Variants in CADM1 observed in about 807,000 individuals in gnomAD.
The protein encoded by CADM1 is TSLC-1.
Under a neutral mutation model 53.1 loss-of-function variants are expected in CADM1, and 15 were observed. The observed-to-expected ratio is 0.28, with a 90% CI of 0.19 to 0.44. The LOEUF (loss-of-function observed/expected upper bound fraction) is 0.44. Ranked by LOEUF, CADM1 falls within the 20% of genes least tolerant of loss-of-function variation. The pLI, the probability that CADM1 is intolerant of heterozygous loss-of-function variation, is 1.00. For missense variants in CADM1, 434 were observed against 611.3 expected (o/e 0.71, Z 3.06); for synonymous variants, 281 against 243.0 (o/e 1.16, Z -1.45).
At chr11:115,340,444 T>C (rs1005275194) in intron 1 of CADM1, among the ~76,000 whole-genome samples, 3 of 148,816 alleles carry the variant, frequency 2.0e-5, no homozygotes, top group Admixed American at 1.3e-4. Context: ...GAATTGGCAA[T>C]GCTAAGAGTT....
At chr11:115,215,977 G>T (rs1941165809) in intron 6 of CADM1, among the ~76,000 whole-genome samples, 1 of 152,158 alleles carries the variant, frequency 6.6e-6, no homozygotes, top group African/African-American at 2.4e-5. Context: ...AATTACACAT[G>T]GGTTTGTCAT....
intron 1 of CADM1, among the ~76,000 whole-genome samples, chr11:115,365,693 T>G (rs1196562873): frequency 2.0e-5 from 3 of 152,158 alleles, no homozygotes; most frequent in African/African-American, 7.2e-5. Context: ...CAGTAACTTT[T>G]TAATTACCTC....
intron 1 of CADM1, among the ~76,000 whole-genome samples, chr11:115,414,179 C>T (rs1231496399): frequency 6.6e-6 from 1 of 152,010 alleles, no homozygotes; most frequent in Non-Finnish European, 1.5e-5. Flanking sequence ...TTATATTTAG[C>T]CCAATGGACT....
intron 1 of CADM1, among the ~76,000 whole-genome samples, chr11:115,312,627 C>T (rs764260903): frequency 2.0e-5 from 3 of 152,136 alleles, no homozygotes; most frequent in Non-Finnish European, 4.4e-5. Flanking sequence ...TTAGAACACA[C>T]TTGATTGATT....
At position 115,294,435 on chromosome 11, in the gene CADM1, C is replaced by T. The variant is rs1375519714; in HGVS notation, c.125-54015G>A. 7.2e-5 allele frequency among the ~76,000 whole-genome samples: 11 copies of T among 152,150 alleles called. 1 individual carries two copies. The South Asian group carries it at 1.2e-3, about 17-fold the overall frequency. ...TTCTTAAACATTACACTCAATAGCC[C>T]GTTCTCATCTACCGCCATCTCTTCT... On this transcript the variant is annotated intron_variant, in intron 1 of 11. Coordinates refer to ENST00000331581, the MANE Select transcript of CADM1 (RefSeq NM_001301043.2).
At chr11:115,230,270 C>G (rs1469891809) in intron 4 of CADM1, among the ~76,000 whole-genome samples, 1 of 152,140 alleles carries the variant, frequency 6.6e-6, no homozygotes, top group African/African-American at 2.4e-5. Context: ...TCTTTCATTT[C>G]TCACGCTCTT....
intron 7 of CADM1, among the ~76,000 whole-genome samples, chr11:115,213,616 C>G (rs1010150286): frequency 6.6e-6 from 1 of 152,154 alleles, no homozygotes; most frequent in African/African-American, 2.4e-5. Flanking sequence ...TACCCTGGTT[C>G]TAAGACACTG....
chr11:115,188,951 C>T (rs372556720), intron 10 of CADM1, among the ~76,000 whole-genome samples: 2 of 151,980 alleles, frequency 1.3e-5, no homozygotes, highest in East Asian at 1.9e-4. Context: ...AAGCCAAGCT[C>T]ACAATCAATA....
intron 1 of CADM1, among the ~76,000 whole-genome samples, chr11:115,325,088 A>G (rs914581263): frequency 2.0e-5 from 3 of 152,246 alleles, no homozygotes; most frequent in Non-Finnish European, 4.4e-5. Context: ...AAGGCAAAAT[A>G]GCATTTTAAA....
At chr11:115,422,035 A>G (rs1163132457) in intron 1 of CADM1, among the ~76,000 whole-genome samples, 1 of 152,198 alleles carries the variant, frequency 6.6e-6, no homozygotes, top group Non-Finnish European at 1.5e-5. Context: ...AAATCTTGCT[A>G]CTGTCATCAG....
chr11:115,209,325 T>C (rs1382901968), intron 8 of CADM1, among the ~76,000 whole-genome samples: 2 of 152,192 alleles, frequency 1.3e-5, no homozygotes, highest in East Asian at 1.9e-4. Flanking sequence ...TTGCTTTCAA[T>C]AGTGATGCTT....
At chr11:115,299,288 T>C (rs1352154764) in intron 1 of CADM1, among the ~76,000 whole-genome samples, 1 of 152,092 alleles carries the variant, frequency 6.6e-6, no homozygotes, top group Non-Finnish European at 1.5e-5. Context: ...TATTTTTATC[T>C]TTGACAGAAC....
At chr11:115,308,778 C>CCCT (rs1944456929) in intron 1 of CADM1, among the ~76,000 whole-genome samples, 1 of 147,300 alleles carries the variant, frequency 6.8e-6, no homozygotes, top group African/African-American at 2.5e-5. Flanking sequence ...CTCCTTCCCT[C>CCCT]CCTCCCTTCA....
intron 9 of CADM1, among the ~76,000 whole-genome samples, chr11:115,197,546 C>T (rs1158563714): frequency 1.3e-5 from 2 of 152,100 alleles, no homozygotes; most frequent in South Asian, 2.1e-4. Context: ...ATTGGAGAGA[C>T]ATAGAAAAGT....
Position 115,293,291 on chromosome 11 carries a change from G to A in CADM1, c.125-52871C>T, listed in dbSNP as rs1184068809. ...ACTAAAAAACACAAACAATTAGCTG[G>A]GCGTGGTGGCGGGCGCCTGTAGTCC... On this transcript the variant is annotated intron_variant, in intron 1 of 11. Transcript: ENST00000331581. Among the ~76,000 whole-genome samples the A allele has an allele frequency of 2.6e-5, 4 of 152,120 alleles. No homozygotes were observed. In the East Asian group the frequency reaches 7.7e-4, roughly 29 times the overall value.
At chr11:115,188,557 T>G (rs1181390526) in intron 10 of CADM1, among the ~76,000 whole-genome samples, 6 of 152,194 alleles carry the variant, frequency 3.9e-5, no homozygotes, top group African/African-American at 1.4e-4. Flanking sequence ...ACCATCATTA[T>G]TTGGAAGGAA....
intron 10 of CADM1, among the ~76,000 whole-genome samples, chr11:115,184,789 C>T (rs1591582874): frequency 6.6e-6 from 1 of 152,212 alleles, no homozygotes. Flanking sequence ...CCACCCAGAG[C>T]TCAGTATGTG....
At chr11:115,388,959 T>C (rs1416388702) in intron 1 of CADM1, among the ~76,000 whole-genome samples, 3 of 152,122 alleles carry the variant, frequency 2.0e-5, no homozygotes, top group African/African-American at 7.2e-5. Flanking sequence ...ATTATGTCAA[T>C]GTTAAATTTC....
intron 1 of CADM1, among the ~76,000 whole-genome samples, chr11:115,476,668 C>T (rs563944057): frequency 1.3e-5 from 2 of 152,298 alleles, no homozygotes; most frequent in African/African-American, 4.8e-5. Context: ...AAACAGACTA[C>T]TCAACATTTA....
Sources: allele counts gnomAD v4.1 joint callset (sites outside exome capture counted in the v4.1 genomes callset), GRCh38; gene constraint gnomAD v4.1.1; transcripts MANE v1.5; gene names NCBI Gene and HGNC (gene_info 2026-07-23, HGNC 2026-07-21).